Variants in PLCG2 observed in about 807,000 individuals in gnomAD.
PLCG2 encodes the protein 1-phosphatidylinositol 4,5-bisphosphate phosphodiesterase gamma-2.
Under a neutral mutation model 175.6 loss-of-function variants are expected in PLCG2, and 69 were observed. The ratio of observed to expected loss-of-function variants is 0.39; its 90% confidence interval spans 0.32 to 0.48. The LOEUF (loss-of-function observed/expected upper bound fraction) is 0.48, where lower values mean the gene tolerates loss of function less well. Ranked by LOEUF, PLCG2 falls within the 20% of genes least tolerant of loss-of-function variation. The probability of loss-of-function intolerance (pLI) is 0.91; values close to 1 mark genes in which losing one functional copy is unlikely to be tolerated. For synonymous variants in PLCG2, 827 were observed against 624.0 expected, an observed-to-expected ratio of 1.33 and a Z score of -4.85; for missense variants, 1,798 against 1,650.9, an observed-to-expected ratio of 1.09 and a Z score of -1.54.
intron 2 of PLCG2, among the ~76,000 whole-genome samples, chr16:81,852,397 A>G (rs1906462488): frequency 6.6e-6 from 1 of 152,060 alleles, no homozygotes; most frequent in African/African-American, 2.4e-5. Flanking sequence ...AATCAGCTCT[A>G]TCTAAAGCAC....
chr16:81,920,126 T>A (rs1351548319), intron 20 of PLCG2, among the ~76,000 whole-genome samples: 1 of 151,874 alleles, frequency 6.6e-6, no homozygotes, highest in East Asian at 1.9e-4. Context: ...CCAGCCCAGG[T>A]GGGGGTAGAG....
intron 1 of PLCG2, among the ~76,000 whole-genome samples, chr16:81,781,088 CA>C (rs1175729483): frequency 6.8e-6 from 1 of 148,084 alleles, no homozygotes; most frequent in Non-Finnish European, 1.5e-5. Flanking sequence ...ACAGCAAGAA[CA>C]CAAAGAGAAA....
chr16:81,824,124 C>A (rs1363663203), intron 2 of PLCG2, among the ~76,000 whole-genome samples: 4 of 143,048 alleles, frequency 2.8e-5, no homozygotes, highest in Non-Finnish European at 6.1e-5. Flanking sequence ...TCCCTCCCTC[C>A]CTCCCTCTCT....
chr16:81,869,393 G>C (rs568110018), intron 6 of PLCG2, 95 bp downstream of exon 6: 41 of 837,032 alleles, frequency 4.9e-5, no homozygotes, highest in South Asian at 1.4e-5. Flanking sequence ...CCGTGGAATA[G>C]TGCACAAGAA....
In PLCG2 at chr16:81,900,539, C is replaced by G. The variant is rs938976507; in HGVS notation, c.1194-73C>G. On this transcript the variant is annotated intron_variant, in intron 13 of 32. Coordinates refer to ENST00000564138, the MANE Select transcript of PLCG2 (RefSeq NM_002661.5). ...GTTTCTGTCGTCCCAGGGAGCTGCC[C>G]TGGCCCCTCTGTGGGGCAGATGCAG... 26 of 1,405,216 alleles carry G rather than the reference C, an allele frequency of 1.9e-5. No individual in the cohort carries two copies. In the Middle Eastern group the frequency reaches 2.3e-3, roughly 125 times the overall value. The allele number at this position is 1,405,216 out of a possible 1,614,324, so 87.0% of individuals were successfully genotyped here.
intron 2 of PLCG2, among the ~76,000 whole-genome samples, chr16:81,770,322 C>G (rs1365539951): frequency 4.6e-5 from 7 of 152,094 alleles, no homozygotes; most frequent in Admixed American, 3.9e-4. Context: ...TTTTAGTTTT[C>G]TATAACAACT....
chr16:81,913,760 A>T (rs1909729371), intron 19 of PLCG2, among the ~76,000 whole-genome samples: 1 of 150,790 alleles, frequency 6.6e-6, no homozygotes, highest in South Asian at 2.1e-4. Flanking sequence ...GCCCCTGTCC[A>T]CTCCTCTCCC....
At chr16:81,925,925 AG>A (rs1437797593) in intron 22 of PLCG2, among the ~76,000 whole-genome samples, 4 of 151,678 alleles carry the variant, frequency 2.6e-5, no homozygotes, top group African/African-American at 7.3e-5. Flanking sequence ...TATCATATAG[AG>A]GGGAAGACAG....
Position 81,895,839 on chromosome 16 carries a change from G to T in PLCG2, c.1105G>T (p.Val369Phe). Residue 369 changes from valine (V) to phenylalanine (F), a missense_variant, in exon 13 of 33, where the codon GTC becomes TTC. By Grantham distance (50) the Val-to-Phe change is conservative. Coordinates refer to ENST00000564138, the MANE Select transcript of PLCG2 (RefSeq NM_002661.5). ...DCWDGPDGKP[V>F]IYHGWTRTTK... ...CTGGGACGGGCCCGATGGGAAGCCG[G>T]TCATCTACCATGGCTGGACGCGGAC... The T allele has an allele frequency of 1.2e-6, 2 of 1,614,190 alleles. No individual in the cohort carries two copies. The highest frequency in any genetic ancestry group is 1.7e-6 in the Non-Finnish European group (2 of 1,180,028).
rs746891285 is a variant in PLCG2 at position 81,786,131 on chromosome 16, G to C, written c.142G>C (p.Glu48Gln). Residue 48 changes from glutamate to glutamine, a missense_variant, in exon 2 of 33, where the codon GAG (glutamate) becomes CAG (glutamine). Glu to Gln is a conservative substitution (Grantham distance 29, BLOSUM62 2). Coordinates refer to ENST00000564138, the MANE Select transcript of PLCG2 (RefSeq NM_002661.5). ...PERRTVQVIM[E>Q]TRQVAWSKTA... is the part of the protein sequence containing the mutation. The stretch of plus-strand genomic sequence containing the variant: ...GCGGAGAACCGTCCAGGTGATCATG[G>C]AGACGCGGCAGGTGGCCTGGAGCAA... 1 of 1,614,084 alleles carries C rather than the reference G, an allele frequency of 6.2e-7. No individual in the cohort carries two copies. Among genetic ancestry groups the C allele is most frequent in the Non-Finnish European group, 8.5e-7 (1 of 1,180,056 alleles).
intron 2 of PLCG2, among the ~76,000 whole-genome samples, chr16:81,822,923 A>G (rs1363810501): frequency 6.6e-6 from 1 of 152,218 alleles, no homozygotes; most frequent in Non-Finnish European, 1.5e-5. Flanking sequence ...AATGGCCAGG[A>G]AGCAGGTTTT....
intron 20 of PLCG2, among the ~76,000 whole-genome samples, chr16:81,920,911 C>T (rs1170207524): frequency 6.6e-6 from 1 of 152,168 alleles, no homozygotes; most frequent in Non-Finnish European, 1.5e-5. Flanking sequence ...GAGGTCACTC[C>T]AGCACACCAT....
rs1216104124 is a variant in PLCG2, at chr16:81,961,935, G to A, written c.*3937G>A. On this transcript the variant is annotated 3_prime_UTR_variant, in exon 33 of 33. Transcript: ENST00000564138. Reference sequence around the variant, plus strand: ...GTTAAGATTGCTGATCGGATGTGAGGGCGATCTGGCTGCGACATCTGTCAC... The same window carrying A: ...GTTAAGATTGCTGATCGGATGTGAGAGCGATCTGGCTGCGACATCTGTCAC... The A allele has an allele frequency of 5.0e-6, 1 of 198,612 alleles. No homozygotes were observed. Among genetic ancestry groups the A allele is most frequent in the Non-Finnish European group, 1.0e-5 (1 of 95,740 alleles). The allele number at this position is 198,612 out of a possible 1,614,324, so 12.3% of individuals were successfully genotyped here.
chr16:81,842,392 C>G (rs764853760), intron 2 of PLCG2, among the ~76,000 whole-genome samples: 2 of 152,208 alleles, frequency 1.3e-5, no homozygotes, highest in African/African-American at 4.8e-5. Flanking sequence ...CCCTCCCAGA[C>G]TCGGAGCCGT....
intron 31 of PLCG2, among the ~76,000 whole-genome samples, chr16:81,947,156 G>C (rs1035370363): frequency 6.6e-6 from 1 of 152,192 alleles, no homozygotes; most frequent in Non-Finnish European, 1.5e-5. Context: ...AAGTGATTAG[G>C]TATCACCAGC....
intron 2 of PLCG2, among the ~76,000 whole-genome samples, chr16:81,788,634 C>G (rs775546019): frequency 6.6e-6 from 1 of 152,216 alleles, no homozygotes; most frequent in African/African-American, 2.4e-5. Flanking sequence ...GGCTGCTGAA[C>G]TTGGCCATCC....
intron 2 of PLCG2, among the ~76,000 whole-genome samples, chr16:81,804,036 G>A (rs1911881485): frequency 6.6e-6 from 1 of 152,176 alleles, no homozygotes; most frequent in African/African-American, 2.4e-5. Flanking sequence ...AAGTTTTTGT[G>A]TGAACACATG....
chr16:81,749,223 C>T (rs567704927), intron 1 of PLCG2, among the ~76,000 whole-genome samples: 3 of 151,980 alleles, frequency 2.0e-5, no homozygotes, highest in Non-Finnish European at 2.9e-5. Flanking sequence ...TTCTCTGAAC[C>T]CATCTGGGTT....
intron 4 of PLCG2, among the ~76,000 whole-genome samples, chr16:81,858,693 G>A (rs4888181): frequency 0.43 from 65,443 of 151,968 alleles, 14,530 homozygotes; most frequent in East Asian, 0.58. Flanking sequence ...TCAAAGGACA[G>A]ATACAGGGTC....
Sources: allele counts gnomAD v4.1 joint callset (sites outside exome capture counted in the v4.1 genomes callset), GRCh38; gene constraint gnomAD v4.1.1; transcripts MANE v1.5; gene names NCBI Gene and HGNC (gene_info 2026-07-23, HGNC 2026-07-21).